The following LRP1B variants were observed in gnomAD, a reference collection of about 807,000 sequenced individuals.
LRP1B encodes LDL receptor related protein 1B.
A neutral mutation model predicts 556.6 loss-of-function variants in LRP1B; 217 were observed. The observed-to-expected ratio is 0.39, with a 90% CI of 0.35 to 0.44. The LOEUF (loss-of-function observed/expected upper bound fraction) is 0.44. Ranked by LOEUF, LRP1B falls within the 20% of genes least tolerant of loss-of-function variation. The probability of loss-of-function intolerance (pLI) is 1.00; values close to 1 mark genes in which losing one functional copy is unlikely to be tolerated. For synonymous variants in LRP1B, 2,047 were observed against 1,865.8 expected (o/e 1.10, Z -2.50); for missense variants, 5,053 against 5,620.8 (o/e 0.90, Z 3.23).
intron 2 of LRP1B, among the ~76,000 whole-genome samples, chr2:141,528,650 T>C (rs928237469): frequency 2.6e-5 from 4 of 152,120 alleles, no homozygotes; most frequent in African/African-American, 9.7e-5. Flanking sequence ...ATTTGGAAAC[T>C]TCCTAATTTT....
At chr2:141,015,979 C>G in intron 12 of LRP1B, 64 bp from the exon 13 acceptor site, 3 of 1,229,418 alleles carry the variant, frequency 2.4e-6, no homozygotes, top group Non-Finnish European at 3.6e-6. Context: ...AGTATAGACA[C>G]TTCCTCAGAT....
intron 43 of LRP1B, among the ~76,000 whole-genome samples, chr2:140,591,019 C>A (rs991556125): frequency 6.6e-6 from 1 of 151,934 alleles, no homozygotes; most frequent in African/African-American, 2.4e-5. Flanking sequence ...ACTTACTGTT[C>A]TAAAGATTAG....
chr2:141,527,665 C>A, intron 2 of LRP1B, among the ~76,000 whole-genome samples: 1 of 152,006 alleles, frequency 6.6e-6, no homozygotes, highest in African/African-American at 2.4e-5. Context: ...TGTGTTTTTA[C>A]TTATCAAAGT....
At chr2:141,818,687 C>T (rs1298965302) in intron 1 of LRP1B, among the ~76,000 whole-genome samples, 1 of 151,418 alleles carries the variant, frequency 6.6e-6, no homozygotes, top group East Asian at 2.0e-4. Context: ...CAGGCGCCTG[C>T]CACCACACCT....
intron 3 of LRP1B, among the ~76,000 whole-genome samples, chr2:141,298,473 C>T (rs1358152328): frequency 1.3e-5 from 2 of 152,100 alleles, no homozygotes; most frequent in Non-Finnish European, 2.9e-5. Flanking sequence ...AATTAGGACA[C>T]TAAAGCTCAT....
At chr2:141,235,695 T>C (rs146816245) in intron 5 of LRP1B, among the ~76,000 whole-genome samples, 2 of 152,166 alleles carry the variant, frequency 1.3e-5, no homozygotes, top group Non-Finnish European at 2.9e-5. Flanking sequence ...CTAATAATAG[T>C]TAATGTTTTC....
At chr2:141,519,359 TGATATATATATATATA>T (rs1559118043) in intron 2 of LRP1B, among the ~76,000 whole-genome samples, 4 of 57,302 alleles carry the variant, frequency 7.0e-5, no homozygotes, top group Non-Finnish European at 1.2e-4. Flanking sequence ...CTTAAGTCAA[TGATATATATATATATA>T]TATATATATA....
chr2:142,101,608 T>A (rs1015275378), intron 1 of LRP1B, among the ~76,000 whole-genome samples: 2 of 152,084 alleles, frequency 1.3e-5, no homozygotes, highest in Non-Finnish European at 2.9e-5. Context: ...TAATATTGTA[T>A]TGATGCTATT....
At chr2:140,600,302 C>T (rs779706008) in intron 42 of LRP1B, among the ~76,000 whole-genome samples, 10 of 152,026 alleles carry the variant, frequency 6.6e-5, no homozygotes, top group East Asian at 1.9e-4. Context: ...GTCAGCAAAC[C>T]GTATTCTCAT....
intron 2 of LRP1B, among the ~76,000 whole-genome samples, chr2:141,539,974 A>C (rs1408230493): frequency 6.6e-6 from 1 of 152,068 alleles, no homozygotes; most frequent in Non-Finnish European, 1.5e-5. Context: ...TCACCCAGAC[A>C]ATGTATGTTA....
chr2:141,786,063 G>T (rs1008455751), intron 2 of LRP1B, among the ~76,000 whole-genome samples: 1 of 151,850 alleles, frequency 6.6e-6, no homozygotes, highest in Non-Finnish European at 1.5e-5. Flanking sequence ...CTATAAAGGG[G>T]ATAGCTAAAA....
intron 85 of LRP1B, among the ~76,000 whole-genome samples, chr2:140,270,753 C>G (rs1682422311): frequency 6.6e-6 from 1 of 151,916 alleles, no homozygotes; most frequent in South Asian, 2.1e-4. Context: ...GAAAAACGTG[C>G]TTTAGCTTTT....
intron 41 of LRP1B, among the ~76,000 whole-genome samples, chr2:140,614,571 C>T (rs1385914409): frequency 2.0e-5 from 3 of 151,984 alleles, no homozygotes; most frequent in African/African-American, 7.2e-5. Flanking sequence ...AAAATTGGAG[C>T]TGAGTCGTTC....
intron 7 of LRP1B, among the ~76,000 whole-genome samples, chr2:141,156,271 C>T (rs1702063770): frequency 6.6e-6 from 1 of 152,096 alleles, no homozygotes. Flanking sequence ...GATTTTGAAG[C>T]ACTTAGTGTG....
intron 3 of LRP1B, among the ~76,000 whole-genome samples, chr2:141,310,767 C>T (rs1686783831): frequency 6.6e-6 from 1 of 152,068 alleles, no homozygotes; most frequent in South Asian, 2.1e-4. Context: ...AGAGATATAT[C>T]AAAGATTCGT....
intron 10 of LRP1B, 132 bp downstream of exon 10, chr2:141,054,984 C>T (rs1184902140): frequency 6.0e-6 from 5 of 830,034 alleles, no homozygotes; most frequent in Non-Finnish European, 8.7e-6. Context: ...GAAAAATGGA[C>T]AGTATATATT....
chr2:140,937,226 G>A (rs1695256163), intron 20 of LRP1B, among the ~76,000 whole-genome samples: 1 of 152,136 alleles, frequency 6.6e-6, no homozygotes, highest in South Asian at 2.1e-4. Context: ...GAAACAAATG[G>A]TAAAATGACA....
chr2:141,342,258 TA>T (rs1175747651), intron 3 of LRP1B, among the ~76,000 whole-genome samples: 7 of 114,412 alleles, frequency 6.1e-5, no homozygotes, highest in African/African-American at 2.1e-4. Flanking sequence ...AAAAAAAAAA[TA>T]AAATAAATAA....
chr2:141,670,628 G>A (rs1690631159), intron 2 of LRP1B, among the ~76,000 whole-genome samples: 1 of 152,190 alleles, frequency 6.6e-6, no homozygotes, highest in Non-Finnish European at 1.5e-5. Flanking sequence ...TTTGGGTGAA[G>A]AACAGACTTA....
Sources: gnomAD v4.1 joint callset for allele counts (sites outside exome capture counted in the v4.1 genomes callset) on GRCh38, gnomAD v4.1.1 for gene constraint, MANE v1.5 for transcripts, NCBI Gene and HGNC (gene_info 2026-07-23, HGNC 2026-07-21) for gene names.